VMP1: variants seen among roughly 807,000 people sequenced by gnomAD.
VMP1 encodes vacuole membrane protein 1.
In VMP1, 11 loss-of-function variants were observed where a neutral mutation model predicts 56.0. The ratio of observed to expected loss-of-function variants is 0.20; its 90% confidence interval spans 0.12 to 0.32. The LOEUF is 0.32. Ranked by LOEUF, VMP1 falls within the 10% of genes least tolerant of loss-of-function variation. VMP1 has a pLI of 1.00. For synonymous variants in VMP1, 149 were observed against 165.0 expected, an observed-to-expected ratio of 0.90 and a Z score of 0.74; for missense variants, 296 against 490.3, an observed-to-expected ratio of 0.60 and a Z score of 3.74.
At chr17:59,790,807 T>TA (rs1221366103) in intron 7 of VMP1, among the ~76,000 whole-genome samples, 21 of 152,144 alleles carry the variant, frequency 1.4e-4, no homozygotes, top group Admixed American at 5.2e-4. Flanking sequence ...AAGAAAGTTT[T>TA]AAAGTTTACA....
chr17:59,770,468 T>C (rs919963526), intron 6 of VMP1, among the ~76,000 whole-genome samples: 2 of 152,132 alleles, frequency 1.3e-5, no homozygotes, highest in Admixed American at 6.6e-5. Context: ...ATACACATCA[T>C]CTGTAAATAT....
At chr17:59,759,903 GTTTTT>G in intron 5 of VMP1, among the ~76,000 whole-genome samples, 1 of 97,982 alleles carries the variant, frequency 1.0e-5, no homozygotes, top group South Asian at 3.2e-4. Flanking sequence ...GTTTTTTGGT[GTTTTT>G]TTTTTTTTTT....
chr17:59,813,165 C>G (rs191097192), intron 9 of VMP1, among the ~76,000 whole-genome samples: 1 of 152,276 alleles, frequency 6.6e-6, no homozygotes, highest in African/African-American at 2.4e-5. Context: ...CATAATCACT[C>G]AGAATTTCAT....
At chr17:59,798,534 G>A (rs2037526548) in intron 7 of VMP1, among the ~76,000 whole-genome samples, 1 of 152,168 alleles carries the variant, frequency 6.6e-6, no homozygotes. Flanking sequence ...AATGTTTCGT[G>A]AAATAGTATT....
chr17:59,737,773 A>AT (rs917495857), intron 4 of VMP1, among the ~76,000 whole-genome samples: 58 of 145,730 alleles, frequency 4.0e-4, no homozygotes, highest in East Asian at 1.8e-3. Context: ...ACCTTCAAAG[A>AT]TTTTTTTTTT....
intron 1 of VMP1, among the ~76,000 whole-genome samples, chr17:59,720,129 G>A (rs2034337630): frequency 6.6e-6 from 1 of 152,176 alleles, no homozygotes; most frequent in South Asian, 2.1e-4. Flanking sequence ...ATTTCTGTTT[G>A]AGGACATTTC....
chr17:59,766,802 G>A (rs2036246768), intron 6 of VMP1, among the ~76,000 whole-genome samples: 1 of 150,006 alleles, frequency 6.7e-6, no homozygotes. Context: ...TTTTTTTTGA[G>A]ACAGTCTTGC....
At chr17:59,793,876 C>T (rs771742256) in intron 7 of VMP1, among the ~76,000 whole-genome samples, 64 of 151,562 alleles carry the variant, frequency 4.2e-4, no homozygotes, top group Non-Finnish European at 7.7e-4. Flanking sequence ...CCGCCTGCCT[C>T]GGCCTCTCAA....
At chr17:59,730,201 C>T (rs1275618406) in intron 1 of VMP1, among the ~76,000 whole-genome samples, 1 of 151,828 alleles carries the variant, frequency 6.6e-6, no homozygotes, top group Non-Finnish European at 1.5e-5. Context: ...TTTGCAGGCC[C>T]GATACACGCT....
intron 1 of VMP1, among the ~76,000 whole-genome samples, chr17:59,728,279 T>C (rs1253183117): frequency 1.3e-5 from 2 of 152,208 alleles, no homozygotes; most frequent in African/African-American, 2.4e-5. Flanking sequence ...CCCATGACCA[T>C]ATCATATTCT....
At chr17:59,767,547 T>C (rs2036275324) in intron 6 of VMP1, among the ~76,000 whole-genome samples, 1 of 152,218 alleles carries the variant, frequency 6.6e-6, no homozygotes, top group African/African-American at 2.4e-5. Flanking sequence ...AAATTTGTCT[T>C]TTTTTCTTAA....
chr17:59,824,251 CAAA>C (rs532688168), intron 10 of VMP1, among the ~76,000 whole-genome samples: 3 of 115,992 alleles, frequency 2.6e-5, no homozygotes, highest in Non-Finnish European at 3.8e-5. Context: ...ACTCTGTCTC[CAAA>C]AAAAAAAAAA....
intron 7 of VMP1, among the ~76,000 whole-genome samples, chr17:59,778,850 C>T (rs536717360): frequency 4.7e-4 from 72 of 152,232 alleles, no homozygotes; most frequent in Admixed American, 7.2e-4. Context: ...AACCATAGGT[C>T]GAATTTTGGA....
chr17:59,727,356 G>A (rs769697625), intron 1 of VMP1, among the ~76,000 whole-genome samples: 1 of 151,876 alleles, frequency 6.6e-6, no homozygotes, highest in Non-Finnish European at 1.5e-5. Flanking sequence ...GGGTGGTCTC[G>A]ATCTCCTGAC....
chr17:59,817,744 C>A lies in VMP1; in HGVS notation c.945C>A (p.His315Gln). ...KIFVIITFSKHIVEQMVAFIG... is the reference protein window; with the variant it reads ...KIFVIITFSKQIVEQMVAFIG... ...TTGTTATAATAACATTCAGCAAGCA[C>A]ATAGTGGAGCAAATGGTGGCTTTCA... The change falls in exon 10 of 12, where the codon CAC becomes CAA. Residue 315 changes from histidine to glutamine, a missense_variant. Around this residue, in one of 4 missense-constraint regions of VMP1, gnomAD observed 95 missense variants for 137.6 expected, o/e 0.69. Coordinates refer to ENST00000262291, the MANE Select transcript of VMP1 (RefSeq NM_030938.5). 1 of 1,608,026 alleles carries A rather than the reference C, an allele frequency of 6.2e-7. No homozygotes were observed. Among genetic ancestry groups the A allele is most frequent in the Non-Finnish European group, 8.5e-7 (1 of 1,177,414 alleles).
At chr17:59,803,932 T>C (rs2037757154) in intron 7 of VMP1, among the ~76,000 whole-genome samples, 1 of 143,066 alleles carries the variant, frequency 7.0e-6, no homozygotes, top group Admixed American at 7.3e-5. Flanking sequence ...AAAATTTTTT[T>C]TAATTTTATA....
chr17:59,769,473 T>C (rs2036352656), intron 6 of VMP1, among the ~76,000 whole-genome samples: 2 of 152,208 alleles, frequency 1.3e-5, no homozygotes. Flanking sequence ...CAAAATGTTT[T>C]TTCCCTACCT....
chr17:59,758,509 C>A (rs750629689), intron 5 of VMP1, among the ~76,000 whole-genome samples: 3 of 151,862 alleles, frequency 2.0e-5, no homozygotes, highest in Non-Finnish European at 4.4e-5. Context: ...CATAGGCAGA[C>A]CCTGTCTCTA....
At chr17:59,817,159 G>A (rs1332321516) in intron 9 of VMP1, among the ~76,000 whole-genome samples, 3 of 144,456 alleles carry the variant, frequency 2.1e-5, no homozygotes. Flanking sequence ...TGTAATCCCA[G>A]GTACTTTGGG....
Sources: gnomAD v4.1 joint callset for allele counts (sites outside exome capture counted in the v4.1 genomes callset) on GRCh38, gnomAD v4.1.1 for gene constraint, gnomAD v4.1.1 regional missense constraint, MANE v1.5 for transcripts, NCBI Gene and HGNC (gene_info 2026-07-23, HGNC 2026-07-21) for gene names.